The following FGF14 variants were observed in gnomAD, a reference collection of about 807,000 sequenced individuals.
The protein encoded by FGF14 is fibroblast growth factor homologous factor 4.
Under a neutral mutation model 25.5 loss-of-function variants are expected in FGF14, and 5 were observed. The observed-to-expected ratio is 0.20, with a 90% CI of 0.10 to 0.41. FGF14 has a LOEUF of 0.41. Among genes scored for constraint, FGF14 ranks in the 10% least tolerant of loss-of-function variants. FGF14 has a pLI of 1.00. For missense variants in FGF14, 222 were observed against 320.1 expected (o/e 0.69, Z 2.34); for synonymous variants, 138 against 118.3 (o/e 1.17, Z -1.08).
chr13:102,024,811 C>T (rs1566586522), intron 1 of FGF14, among the ~76,000 whole-genome samples: 1 of 151,690 alleles, frequency 6.6e-6, no homozygotes, highest in African/African-American at 2.4e-5. Context: ...TGTGGCTGTT[C>T]AGTTATTCCA....
chr13:101,757,259 T>C (rs1387043640), intron 3 of FGF14, among the ~76,000 whole-genome samples: 1 of 152,192 alleles, frequency 6.6e-6, no homozygotes, highest in Non-Finnish European at 1.5e-5. Flanking sequence ...CAAAGTCCTA[T>C]AGCCTTTTGT....
At chr13:101,802,287 G>T (rs1323435864) in intron 3 of FGF14, 10 of 216,702 alleles carry the variant, frequency 4.6e-5, no homozygotes, top group Admixed American at 1.0e-4. Context: ...CATCACTAAG[G>T]CAGAGAAGCT....
chr13:101,913,626 C>T (rs1024119858), intron 1 of FGF14, among the ~76,000 whole-genome samples: 8 of 152,184 alleles, frequency 5.3e-5, no homozygotes, highest in East Asian at 1.9e-4. Flanking sequence ...CTTAAAATTT[C>T]TATGCCTCTT....
At chr13:102,282,209 G>A in intron 1 of FGF14, among the ~76,000 whole-genome samples, 1 of 151,984 alleles carries the variant, frequency 6.6e-6, no homozygotes, top group South Asian at 2.1e-4. Flanking sequence ...TAGGATTACA[G>A]GCATGCACTA....
At chr13:102,349,979 A>G (rs2057228221) in intron 1 of FGF14, among the ~76,000 whole-genome samples, 1 of 152,266 alleles carries the variant, frequency 6.6e-6, no homozygotes, top group South Asian at 2.1e-4. Context: ...ATTATGCTGC[A>G]CTGTTTTCAA....
chr13:102,051,588 G>A (rs1431767211), intron 1 of FGF14, among the ~76,000 whole-genome samples: 1 of 152,152 alleles, frequency 6.6e-6, no homozygotes, highest in Non-Finnish European at 1.5e-5. Context: ...CCCTACCAGT[G>A]CTCACTACCA....
chr13:102,213,529 C>T (rs1478087193), intron 1 of FGF14, among the ~76,000 whole-genome samples: 1 of 152,120 alleles, frequency 6.6e-6, no homozygotes, highest in Admixed American at 6.5e-5. Context: ...TCTGTTGGAG[C>T]AGCTGCCAAT....
intron 1 of FGF14, among the ~76,000 whole-genome samples, chr13:102,197,322 A>C (rs574070452): frequency 1.3e-5 from 2 of 152,212 alleles, no homozygotes; most frequent in Admixed American, 6.5e-5. Flanking sequence ...TAACCCCTTT[A>C]CCAGCACCAA....
chr13:102,261,098 C>G (rs2052695444), intron 1 of FGF14, among the ~76,000 whole-genome samples: 1 of 152,102 alleles, frequency 6.6e-6, no homozygotes, highest in African/African-American at 2.4e-5. Flanking sequence ...TATTTTAGAT[C>G]AGTGTCTACA....
intron 1 of FGF14, among the ~76,000 whole-genome samples, chr13:102,197,754 A>T (rs2049428959): frequency 6.6e-6 from 1 of 152,160 alleles, no homozygotes; most frequent in African/African-American, 2.4e-5. Context: ...AAAATATATT[A>T]TGATAAAAGT....
At chr13:101,739,804 A>G (rs2139772909) in intron 3 of FGF14, among the ~76,000 whole-genome samples, 1 of 152,304 alleles carries the variant, frequency 6.6e-6, no homozygotes, top group African/African-American at 2.4e-5. Flanking sequence ...AGAAAAAAAG[A>G]AAAAACAACA....
chr13:102,016,421 A>G (rs188305179), intron 1 of FGF14, among the ~76,000 whole-genome samples: 1 of 152,296 alleles, frequency 6.6e-6, no homozygotes, highest in South Asian at 2.1e-4. Flanking sequence ...ATGTGAGACA[A>G]CTGAGATTAG....
chr13:102,393,288 ACTC>A (rs1315236900), intron 1 of FGF14, among the ~76,000 whole-genome samples: 3 of 152,154 alleles, frequency 2.0e-5, no homozygotes, highest in Admixed American at 6.5e-5. Context: ...TGAAGGAAGA[ACTC>A]TTCTTCACCC....
At chr13:102,135,441 C>T (rs138559792) in intron 1 of FGF14, among the ~76,000 whole-genome samples, 2 of 152,106 alleles carry the variant, frequency 1.3e-5, no homozygotes, top group African/African-American at 4.8e-5. Context: ...AGCACATTTA[C>T]AGGAATGCAA....
At chr13:101,929,721 A>C (rs144446268) in intron 1 of FGF14, among the ~76,000 whole-genome samples, 1 of 152,382 alleles carries the variant, frequency 6.6e-6, no homozygotes, top group African/African-American at 2.4e-5. Context: ...TATGTGTTAT[A>C]TATCATTAAA....
intron 1 of FGF14, chr13:102,017,187 C>G (rs2040392473): frequency 3.5e-6 from 1 of 284,562 alleles, no homozygotes; most frequent in Non-Finnish European, 6.8e-6. Flanking sequence ...GAAGTGTATT[C>G]TCCAGTTTTA....
chr13:102,188,950 A>G (rs866158728), intron 1 of FGF14, among the ~76,000 whole-genome samples: 1 of 39,426 alleles, frequency 2.5e-5, no homozygotes, highest in Non-Finnish European at 5.3e-5. Context: ...AAAGGAGAGA[A>G]AGAAAGAAAG....
intron 3 of FGF14, among the ~76,000 whole-genome samples, chr13:101,865,232 A>G (rs2140430927): frequency 1.3e-5 from 2 of 152,224 alleles, no homozygotes; most frequent in Non-Finnish European, 2.9e-5. Context: ...TTAGCTTTCT[A>G]CGGAAGATTT....
chr13:102,097,398 T>C (rs1595262655), intron 1 of FGF14, among the ~76,000 whole-genome samples: 1 of 152,190 alleles, frequency 6.6e-6, no homozygotes, highest in African/African-American at 2.4e-5. Flanking sequence ...ACAAATAGTT[T>C]TCCAATATGC....
Sources: gnomAD v4.1 joint callset for allele counts (sites outside exome capture counted in the v4.1 genomes callset) on GRCh38, gnomAD v4.1.1 for gene constraint, MANE v1.5 for transcripts, NCBI Gene and HGNC (gene_info 2026-07-23, HGNC 2026-07-21) for gene names.